The following EIF4G1 variants were observed in gnomAD, a reference collection of about 807,000 sequenced individuals.
EIF4G1 encodes the protein eukaryotic translation initiation factor 4 gamma 1.
Under a neutral mutation model 187.8 loss-of-function variants are expected in EIF4G1, and 4 were observed. The observed-to-expected ratio is 0.02, with a 90% CI of 0.01 to 0.05. EIF4G1 has a LOEUF of 0.05. Ranked by LOEUF, EIF4G1 falls within the 10% of genes least tolerant of loss-of-function variation. The pLI is 1.00. For missense variants in EIF4G1, 1,647 were observed against 2,081.1 expected (o/e 0.79, Z 4.06); for synonymous variants, 844 against 781.4 (o/e 1.08, Z -1.34).
intron 31 of EIF4G1, 24 bp from the exon 32 acceptor site, chr3:184,331,922 C>T (rs773251547): frequency 7.4e-6 from 12 of 1,613,880 alleles, no homozygotes; most frequent in Middle Eastern, 1.6e-4. Context: ...GTATATTGCT[C>T]CACTCATCCC....
chr3:184,330,188 C>T (rs57153950), intron 28 of EIF4G1, among the ~76,000 whole-genome samples: 6,288 of 152,130 alleles, frequency 0.041, 452 homozygotes, highest in African/African-American at 0.14. Flanking sequence ...ACCAGCCTGG[C>T]CAACATGATG....
In EIF4G1 at chr3:184,334,351, G is replaced by A. The variant is rs1448004578; in HGVS notation, c.4619-376G>A. 6.6e-6 allele frequency among the ~76,000 whole-genome samples: 1 copy of A among 152,142 alleles called. No homozygotes were observed. The highest frequency in any genetic ancestry group is 2.4e-5 in the African/African-American group (1 of 41,414). On this transcript the variant is annotated intron_variant, in intron 32 of 32. Coordinates refer to ENST00000346169, the MANE Select transcript of EIF4G1 (RefSeq NM_198241.3). The surrounding 1 kb of genome is among the most constrained non-coding windows in gnomAD (Gnocchi z 5.8). The stretch of plus-strand genomic sequence containing the variant: ...TGTTTGGGGGGCAGTGAATGTTCAG[G>A]TTACATGTAGGATATATATAGGACT...
In EIF4G1 at chr3:184,331,493, G is replaced by A; in HGVS notation, c.4282G>A (p.Glu1428Lys). 1 of 1,614,220 alleles carries A rather than the reference G, an allele frequency of 6.2e-7. No individual in the cohort carries two copies. Among genetic ancestry groups the A allele is most frequent in the African/African-American group, 1.3e-5 (1 of 75,052 alleles). The change falls in exon 30 of 33, where the codon GAG (glutamate) becomes AAG (lysine). Residue 1428 changes from glutamate (E) to lysine (K), a missense_variant. Physicochemically the swap from Glu to Lys is moderately conservative, Grantham distance 56. Transcript: ENST00000346169. ...GCAGAAGGTGGAGTATACCCTGGGA[G>A]AGGAGTCGGAAGCCCCTGGCCAGAG... is the stretch of plus-strand genomic sequence containing the variant. ...AEQKVEYTLG[E>K]ESEAPGQRAL... is the part of the protein sequence containing the mutation.
chr3:184,328,010 C>G lies in EIF4G1; in HGVS notation c.3953+8C>G, dbSNP rs752949844. On this transcript the variant is annotated splice_region_variant and intron_variant, in intron 26 of 32. Transcript: ENST00000346169. The stretch of plus-strand genomic sequence containing the variant: ...TGCTCAGTACTACCAAGGGTATGAC[C>G]AGCTTCTCTGGGCCTCCCACTTATA... 9 of 1,603,618 alleles carry G rather than the reference C, an allele frequency of 5.6e-6. No homozygotes were observed. The highest frequency in any genetic ancestry group is 7.6e-6 in the Non-Finnish European group (9 of 1,179,966).
intron 32 of EIF4G1, among the ~76,000 whole-genome samples, chr3:184,333,515 C>G (rs944791600): frequency 6.6e-6 from 1 of 152,000 alleles, no homozygotes; most frequent in Non-Finnish European, 1.5e-5. Flanking sequence ...CCCTCTGAAC[C>G]AAGGACAGAG....
At chr3:184,316,320 C>CTTAA (rs1168781997) in intron 4 of EIF4G1, 102 bp downstream of exon 4, 1 of 1,439,974 alleles carries the variant, frequency 6.9e-7, no homozygotes, top group Non-Finnish European at 9.5e-7. Context: ...CATACCTGGC[C>CTTAA]TTAATCCTCT....
chr3:184,322,174 C>T, intron 10 of EIF4G1, 71 bp downstream of exon 10: 1 of 1,608,110 alleles, frequency 6.2e-7, no homozygotes, highest in Admixed American at 1.7e-5. Flanking sequence ...TTGATGACCG[C>T]CCATTTTTGA....
At chr3:184,328,808 G>A (rs1725473670) in intron 27 of EIF4G1, 52 bp downstream of exon 27, 6 of 1,614,050 alleles carry the variant, frequency 3.7e-6, no homozygotes, top group Non-Finnish European at 4.2e-6. Flanking sequence ...AGGAAAGGTG[G>A]TAGGGAAATG....
In EIF4G1 at chr3:184,319,927, G is replaced by A. The variant is rs943707521; in HGVS notation, c.537+126G>A. ...AGGAGCTGAGAGTGGGCAGAGAATGGTGTCTGTGGAGGGCTCAGGTTCTTT... is the reference window on the plus strand; with the variant it reads ...AGGAGCTGAGAGTGGGCAGAGAATGATGTCTGTGGAGGGCTCAGGTTCTTT... On this transcript the variant is annotated intron_variant, in intron 7 of 32. Transcript: ENST00000346169. 44 of 757,108 alleles carry A rather than the reference G, an allele frequency of 5.8e-5. 1 individual carries two copies. Among genetic ancestry groups the A allele is most frequent in the South Asian group, 2.9e-4 (19 of 64,872 alleles). 46.9% of individuals were successfully genotyped at this position (757,108 alleles called of 1,614,324 possible).
chr3:184,328,713 C>T lies in EIF4G1; in HGVS notation c.4036C>T (p.Pro1346Ser). 2 of 1,614,102 alleles carry T rather than the reference C, an allele frequency of 1.2e-6. No homozygotes were observed. The highest frequency in any genetic ancestry group is 1.7e-6 in the Non-Finnish European group (2 of 1,180,024). ...VWLYLAELVT[P>S]ILQEGGVPMG... ...GCTCTACCTAGCGGAACTGGTAACA[C>T]CCATTCTGCAGGAAGGTGGGGTGCC... Residue 1346 changes from proline (P) to serine (S), a missense_variant, in exon 27 of 33, where the codon CCC becomes TCC. Around this residue, in one of 11 missense-constraint regions of EIF4G1, gnomAD observed 543 missense variants for 638.0 expected, o/e 0.85. Coordinates refer to ENST00000346169, the MANE Select transcript of EIF4G1 (RefSeq NM_198241.3).
At position 184,325,772 on chromosome 3, in the gene EIF4G1, G is replaced by C. The variant is rs776927131; in HGVS notation, c.3122-79G>C. 3.1e-6 allele frequency: 5 copies of C among 1,611,198 alleles called. No homozygotes were observed. The Admixed American group carries it at 5.0e-5, about 16-fold the overall frequency. Reference sequence around the variant, plus strand: ...ATGATGGAACTGAGGATCTGAGGAAGGGAGGCTGGGGGTGGCCCAAGGGGA... The same window carrying C: ...ATGATGGAACTGAGGATCTGAGGAACGGAGGCTGGGGGTGGCCCAAGGGGA... On this transcript the variant is annotated intron_variant, in intron 20 of 32. Transcript: ENST00000346169. This position sits in a 1 kb window ranked among gnomAD's most constrained non-coding sequence, Gnocchi z 5.2.
chr3:184,329,152 A>C, intron 28 of EIF4G1, 162 bp downstream of exon 28: 1 of 795,738 alleles, frequency 1.3e-6, no homozygotes, highest in Non-Finnish European at 2.1e-6. Flanking sequence ...CATCTCCCGC[A>C]CACCAGTTCC....
In EIF4G1 at chr3:184,334,905, C is replaced by T; in HGVS notation, c.4797C>T (p.Asn1599=). Residue 1599 remains asparagine (N), a synonymous_variant, in exon 33 of 33, where the codon AAC becomes AAT. Coordinates refer to ENST00000346169, the MANE Select transcript of EIF4G1 (RefSeq NM_198241.3). This position sits in a 1 kb window ranked among gnomAD's most constrained non-coding sequence, Gnocchi z 5.8. The part of the protein sequence containing the change: ...LREAEEESDH[N] ...AAGCAGAGGAGGAGTCTGACCACAA[C>T]TGAGGGCTGGTGGGGCCGGGGACCT... The T allele has an allele frequency of 6.2e-7, 1 of 1,614,084 alleles. No individual in the cohort carries two copies. The highest frequency in any genetic ancestry group is 8.5e-7 in the Non-Finnish European group (1 of 1,180,008).
chr3:184,331,360 A>G lies in EIF4G1; in HGVS notation c.4256A>G (p.Glu1419Gly), dbSNP rs372369908. The G allele has an allele frequency of 3.7e-6, 6 of 1,614,116 alleles. No homozygotes were observed. In the African/African-American group the frequency reaches 8.0e-5, roughly 22 times the overall value. ...CAGGACATTGGTGCATTCGTCGCTG[A>G]ACAGGTTTGGGGATGGAGTTGGGTT... Reference protein sequence around the residue: ...EGQDIGAFVAEQKVEYTLGEE... With the variant: ...EGQDIGAFVAGQKVEYTLGEE... Residue 1419 changes from glutamate (E) to glycine (G), a missense_variant, in exon 29 of 33, where the codon GAA (glutamate) becomes GGA (glycine). This residue lies in a region of EIF4G1 where 543 missense variants were observed against 638.0 expected (regional missense o/e 0.85). Transcript: ENST00000346169.
intron 3 of EIF4G1, 101 bp from the exon 4 acceptor site, chr3:184,316,030 GT>G: frequency 6.4e-7 from 1 of 1,560,032 alleles, no homozygotes; most frequent in Non-Finnish European, 8.7e-7. Flanking sequence ...TATGTGGATT[GT>G]TAAGGCTCTT....
chr3:184,329,056 T>A, intron 28 of EIF4G1, 66 bp downstream of exon 28: 1 of 1,566,886 alleles, frequency 6.4e-7, no homozygotes, highest in South Asian at 1.1e-5. Context: ...GCTGTGGCCC[T>A]GAAGCTTCAT....
intron 7 of EIF4G1, chr3:184,320,371 G>A (rs888605434): frequency 1.4e-6 from 2 of 1,384,684 alleles, no homozygotes; most frequent in African/African-American, 1.5e-5. Flanking sequence ...ACTGCTGGTG[G>A]GGTAGGGATG....
intron 7 of EIF4G1, among the ~76,000 whole-genome samples, chr3:184,320,138 C>G (rs553080166): frequency 6.6e-5 from 10 of 151,802 alleles, no homozygotes; most frequent in African/African-American, 1.5e-4. Context: ...CCTGCCCCCC[C>G]AGTCCTGGAA....
intron 16 of EIF4G1, 33 bp from the exon 17 acceptor site, chr3:184,324,168 A>G (rs368275940): frequency 8.7e-6 from 14 of 1,614,060 alleles, no homozygotes; most frequent in Middle Eastern, 1.6e-4. Flanking sequence ...GCCCAGGACT[A>G]GTCTTGAGTG....
Sources: allele counts gnomAD v4.1 joint callset (sites outside exome capture counted in the v4.1 genomes callset), GRCh38; gene constraint gnomAD v4.1.1; regional missense constraint gnomAD v4.1.1; non-coding constraint Gnocchi (gnomAD v3.1); transcripts MANE v1.5; gene names NCBI Gene and HGNC (gene_info 2026-07-23, HGNC 2026-07-21).